Variants in GPC5 observed in about 807,000 individuals in gnomAD.
GPC5 encodes glypican-5.
Under a neutral mutation model 53.9 loss-of-function variants are expected in GPC5, and 47 were observed. That is an observed-to-expected ratio of 0.87 (90% confidence interval 0.69 to 1.11). The LOEUF (loss-of-function observed/expected upper bound fraction) is 1.11. Ranked by LOEUF, GPC5 falls within the 50% of genes most tolerant of loss-of-function variation. The probability of loss-of-function intolerance (pLI) is 0.00; values close to 1 mark genes in which losing one functional copy is unlikely to be tolerated. For synonymous variants in GPC5, 286 were observed against 263.3 expected, an observed-to-expected ratio of 1.09 and a Z score of -0.84; for missense variants, 748 against 713.1, an observed-to-expected ratio of 1.05 and a Z score of -0.56.
intron 6 of GPC5, among the ~76,000 whole-genome samples, chr13:91,975,570 G>A (rs1019034113): frequency 5.5e-4 from 84 of 152,316 alleles, no homozygotes; most frequent in Middle Eastern, 3.4e-3. Context: ...ACCACAATAA[G>A]ATACCATCTC....
intron 7 of GPC5, among the ~76,000 whole-genome samples, chr13:92,756,041 A>C (rs1209593999): frequency 1.3e-5 from 2 of 152,080 alleles, no homozygotes; most frequent in African/African-American, 4.8e-5. Context: ...AGAGAGTTTT[A>C]GACCAATATC....
chr13:91,968,649 G>A (rs1425484813), intron 6 of GPC5, among the ~76,000 whole-genome samples: 2 of 151,754 alleles, frequency 1.3e-5, no homozygotes, highest in Admixed American at 6.6e-5. Flanking sequence ...TTTAGTAGAA[G>A]TGGGGTTTCA....
intron 7 of GPC5, chr13:92,240,486 AATTT>A (rs1481839151): frequency 6.6e-6 from 1 of 152,022 alleles, no homozygotes; most frequent in Admixed American, 6.6e-5. Flanking sequence ...AATAATTATA[AATTT>A]ATAATCTTTT....
chr13:91,791,488 A>T (rs345442), intron 5 of GPC5, among the ~76,000 whole-genome samples: 1 of 152,184 alleles, frequency 6.6e-6, no homozygotes, highest in African/African-American at 2.4e-5. Flanking sequence ...TGTTGCTTGC[A>T]TGGTGGAAAT....
In GPC5 at chr13:91,751,742, A is replaced by T. The variant is rs143665283; in HGVS notation, c.1155-4553A>T. On this transcript the variant is annotated intron_variant, in intron 4 of 7. Coordinates refer to ENST00000377067, the MANE Select transcript of GPC5 (RefSeq NM_004466.6). ...CAAAACCTTATCTCCTTCTTTTTAT[A>T]CCCAAATATTTTCAACTGTCTTCCA... 3.8e-3 allele frequency among the ~76,000 whole-genome samples: 577 copies of T among 152,256 alleles called. 3 individuals are homozygous for T. The highest frequency in any genetic ancestry group is 6.9e-3 in the Admixed American group (105 of 15,284).
chr13:92,095,411 G>C (rs1438197259), intron 6 of GPC5, among the ~76,000 whole-genome samples: 1 of 151,908 alleles, frequency 6.6e-6, no homozygotes, highest in African/African-American at 2.4e-5. Context: ...GTAGTGGCAC[G>C]ATCTTGGCTC....
At chr13:92,778,660 T>A (rs1875908157) in intron 7 of GPC5, among the ~76,000 whole-genome samples, 1 of 152,178 alleles carries the variant, frequency 6.6e-6, no homozygotes, top group Non-Finnish European at 1.5e-5. Flanking sequence ...CTTACATACA[T>A]CTTCAACCAT....
intron 7 of GPC5, among the ~76,000 whole-genome samples, chr13:92,185,472 A>G (rs2042177265): frequency 1.3e-5 from 2 of 152,100 alleles, no homozygotes; most frequent in South Asian, 4.1e-4. Flanking sequence ...CTAACTGATT[A>G]TTTTACTCTC....
chr13:91,562,188 T>TA (rs10603242), intron 2 of GPC5, among the ~76,000 whole-genome samples: 52 of 45,064 alleles, frequency 1.2e-3, no homozygotes, highest in East Asian at 2.8e-3. Flanking sequence ...GGAGCAACAG[T>TA]AAAAAAAAAA....
intron 6 of GPC5, among the ~76,000 whole-genome samples, chr13:91,923,582 A>G (rs1222728882): frequency 1.3e-5 from 2 of 151,912 alleles, no homozygotes; most frequent in African/African-American, 4.8e-5. Context: ...CACCTTATGA[A>G]TGTAAGTTTT....
At chr13:92,433,553 G>A (rs1005651110) in intron 7 of GPC5, among the ~76,000 whole-genome samples, 2 of 152,144 alleles carry the variant, frequency 1.3e-5, no homozygotes, top group Non-Finnish European at 2.9e-5. Context: ...ACGTAGTATG[G>A]AGGAGCAGAC....
Position 91,646,751 on chromosome 13 carries a change from A to T in GPC5, c.326-46436A>T, listed in dbSNP as rs185111839. On this transcript the variant is annotated intron_variant, in intron 2 of 7. Coordinates refer to ENST00000377067, the MANE Select transcript of GPC5 (RefSeq NM_004466.6). ...AAAAGTCCCAAATCTACTCTACAAG[A>T]CAACATGATCTAGGTGTTTGGGAAA... 6.6e-5 allele frequency among the ~76,000 whole-genome samples: 10 copies of T among 152,254 alleles called. No individual in the cohort carries two copies. In the East Asian group the frequency reaches 9.6e-4, roughly 15 times the overall value.
At chr13:92,550,693 A>G (rs1163365613) in intron 7 of GPC5, among the ~76,000 whole-genome samples, 1 of 151,904 alleles carries the variant, frequency 6.6e-6, no homozygotes, top group Non-Finnish European at 1.5e-5. Flanking sequence ...GGTACACTGA[A>G]GATTTATGCA....
At chr13:92,606,029 A>G (rs1330678797) in intron 7 of GPC5, among the ~76,000 whole-genome samples, 1 of 152,150 alleles carries the variant, frequency 6.6e-6, no homozygotes, top group Non-Finnish European at 1.5e-5. Context: ...TAAACCTTTT[A>G]GTTACTTGGT....
chr13:92,297,775 T>G (rs568861128), intron 7 of GPC5, among the ~76,000 whole-genome samples: 1 of 152,006 alleles, frequency 6.6e-6, no homozygotes, highest in Non-Finnish European at 1.5e-5. Flanking sequence ...GAGCCAGCAT[T>G]GGCAACCCGC....
chr13:91,578,446 G>T (rs137971011), intron 2 of GPC5, among the ~76,000 whole-genome samples: 1 of 152,158 alleles, frequency 6.6e-6, no homozygotes, highest in East Asian at 1.9e-4. Context: ...TGTCATTTTA[G>T]CACCCTCTCA....
At chr13:92,255,268 C>A (rs997022152) in intron 7 of GPC5, among the ~76,000 whole-genome samples, 2 of 152,084 alleles carry the variant, frequency 1.3e-5, no homozygotes, top group African/African-American at 2.4e-5. Flanking sequence ...ACACTGAAAG[C>A]AGACCACAAA....
chr13:91,786,794 A>T (rs1440179334), intron 5 of GPC5, among the ~76,000 whole-genome samples: 15 of 152,060 alleles, frequency 9.9e-5, no homozygotes. Context: ...TGCTTGGGGG[A>T]GAACTGATCT....
Position 91,448,631 on chromosome 13 carries a change from G to C in GPC5, c.164-130G>C, listed in dbSNP as rs564211030. On this transcript the variant is annotated intron_variant, in intron 1 of 7. Transcript: ENST00000377067. Reference sequence around the variant, plus strand: ...TGAGCAATAGATAAACTTTCTTATAGCAAGTACTCTAGCAAATCCATTCCT... The same window carrying C: ...TGAGCAATAGATAAACTTTCTTATACCAAGTACTCTAGCAAATCCATTCCT... 15 of 817,384 alleles carry C rather than the reference G, an allele frequency of 1.8e-5. No homozygotes were observed. The South Asian group carries it at 3.1e-4, about 17-fold the overall frequency. The allele number at this position is 817,384 out of a possible 1,614,324, so 50.6% of individuals were successfully genotyped here. A position where few individuals can be genotyped will look rare whatever the true frequency, so the allele number is the denominator to read the frequency against.
Sources: gnomAD v4.1 joint callset for allele counts (sites outside exome capture counted in the v4.1 genomes callset) on GRCh38, gnomAD v4.1.1 for gene constraint, MANE v1.5 for transcripts, NCBI Gene and HGNC (gene_info 2026-07-23, HGNC 2026-07-21) for gene names.